The following PRDM2 variants were observed in gnomAD, a reference collection of about 807,000 sequenced individuals.
PRDM2 encodes the protein PR domain zinc finger protein 2.
Under a neutral mutation model 130.0 loss-of-function variants are expected in PRDM2, and 30 were observed. The observed-to-expected ratio is 0.23, with a 90% CI of 0.17 to 0.31. PRDM2 has a LOEUF of 0.31. Ranked by LOEUF, PRDM2 falls within the 10% of genes least tolerant of loss-of-function variation. The pLI is 1.00. For synonymous variants in PRDM2, 871 were observed against 782.4 expected, an observed-to-expected ratio of 1.11 and a Z score of -1.89; for missense variants, 2,011 against 2,108.4, an observed-to-expected ratio of 0.95 and a Z score of 0.90.
At chr1:13,805,002 C>T (rs1645066058) in intron 8 of PRDM2, among the ~76,000 whole-genome samples, 1 of 152,126 alleles carries the variant, frequency 6.6e-6, no homozygotes, top group South Asian at 2.1e-4. Context: ...GTCCTGGATT[C>T]AAATCTTGGC....
At chr1:13,737,578 T>C (rs550831507) in intron 4 of PRDM2, among the ~76,000 whole-genome samples, 1 of 152,352 alleles carries the variant, frequency 6.6e-6, no homozygotes, top group South Asian at 2.1e-4. Flanking sequence ...GAGTGGTTAA[T>C]AGCAGTGCAT....
intron 4 of PRDM2, among the ~76,000 whole-genome samples, chr1:13,740,026 C>A (rs975990381): frequency 6.6e-6 from 1 of 152,140 alleles, no homozygotes; most frequent in Non-Finnish European, 1.5e-5. Context: ...ATTGAAGTGT[C>A]ATCTTTTTCT....
chr1:13,786,589 A>T, intron 8 of PRDM2: 1 of 1,601,112 alleles, frequency 6.2e-7, no homozygotes, highest in South Asian at 1.1e-5. Flanking sequence ...TCAACTTAGG[A>T]TAAGCACTAC....
At chr1:13,738,066 GA>G (rs1167840396) in intron 4 of PRDM2, among the ~76,000 whole-genome samples, 3 of 150,238 alleles carry the variant, frequency 2.0e-5, no homozygotes, top group Non-Finnish European at 3.0e-5. Context: ...TAGGAATAAA[GA>G]AAAAAAAAGA....
In PRDM2 at chr1:13,823,221, C is replaced by T. The variant is rs1279298708; in HGVS notation, c.*86C>T. The stretch of plus-strand genomic sequence containing the variant: ...CTGGCAGTCTGCCCTGCAGGGAGTA[C>T]CGACCTATCCCAGTTGTGTGAGGCT... On this transcript the variant is annotated 3_prime_UTR_variant, in exon 10 of 10. Coordinates refer to ENST00000311066, the MANE Select transcript of PRDM2 (RefSeq NM_001393986.1). The T allele has an allele frequency of 1.9e-6, 3 of 1,606,432 alleles. No homozygotes were observed. Among genetic ancestry groups the T allele is most frequent in the Non-Finnish European group, 1.7e-6 (2 of 1,173,536 alleles).
chr1:13,743,118 G>A (rs1022030877), intron 5 of PRDM2, among the ~76,000 whole-genome samples: 1 of 152,074 alleles, frequency 6.6e-6, no homozygotes, highest in South Asian at 2.1e-4. Flanking sequence ...AGACAGATCC[G>A]GACGGGCGCA....
intron 5 of PRDM2, among the ~76,000 whole-genome samples, chr1:13,743,126 G>A (rs1643496582): frequency 6.6e-6 from 1 of 152,012 alleles, no homozygotes; most frequent in South Asian, 2.1e-4. Context: ...CCGGACGGGC[G>A]CAGTGGCTCA....
chr1:13,721,307 C>T (rs1185125670), intron 2 of PRDM2, among the ~76,000 whole-genome samples: 1 of 152,066 alleles, frequency 6.6e-6, no homozygotes, highest in Non-Finnish European at 1.5e-5. Flanking sequence ...TTCTATCTTT[C>T]ATCTTAGTTA....
intron 8 of PRDM2, among the ~76,000 whole-genome samples, chr1:13,788,654 G>T (rs1644789980): frequency 6.6e-6 from 1 of 152,190 alleles, no homozygotes; most frequent in Non-Finnish European, 1.5e-5. Flanking sequence ...AAACACGGAG[G>T]AGAGAGGTTG....
intron 8 of PRDM2, among the ~76,000 whole-genome samples, chr1:13,792,117 C>T (rs1644850086): frequency 6.6e-6 from 1 of 152,118 alleles, no homozygotes; most frequent in African/African-American, 2.4e-5. Flanking sequence ...ATTTTAAAGC[C>T]CAGGTTTGTG....
chr1:13,784,208 A>G (rs1260320969), intron 8 of PRDM2, among the ~76,000 whole-genome samples: 2 of 152,202 alleles, frequency 1.3e-5, no homozygotes, highest in Non-Finnish European at 2.9e-5. Flanking sequence ...TCTGCTGAAA[A>G]TAAGCACCTG....
intron 8 of PRDM2, among the ~76,000 whole-genome samples, chr1:13,809,186 G>C (rs182584403): frequency 6.6e-6 from 1 of 152,224 alleles, no homozygotes; most frequent in Middle Eastern, 3.2e-3. Flanking sequence ...CTTGGACTGC[G>C]TCCTGGGAGC....
intron 9 of PRDM2, 28 bp from the exon 10 acceptor site, chr1:13,823,131 A>T (rs1645380345): frequency 6.3e-7 from 1 of 1,598,558 alleles, no homozygotes; most frequent in Middle Eastern, 1.7e-4. Flanking sequence ...GCTTACTGTT[A>T]TTATTTTTAT....
intron 9 of PRDM2, among the ~76,000 whole-genome samples, chr1:13,819,396 G>A (rs761257572): frequency 6.6e-5 from 10 of 152,164 alleles, no homozygotes; most frequent in Non-Finnish European, 1.0e-4. Flanking sequence ...GAGGCCTAAC[G>A]TCATTTGCCT....
intron 1 of PRDM2, among the ~76,000 whole-genome samples, chr1:13,704,021 G>C (rs1642138118): frequency 1.3e-5 from 2 of 152,156 alleles, no homozygotes; most frequent in African/African-American, 2.4e-5. Flanking sequence ...TTTCCTCTAG[G>C]GGGAAAAGTA....
chr1:13,789,471 T>G (rs890429038), intron 8 of PRDM2, among the ~76,000 whole-genome samples: 1 of 152,180 alleles, frequency 6.6e-6, no homozygotes, highest in Non-Finnish European at 1.5e-5. Context: ...CATAGTGGCT[T>G]TTTTCCCCAC....
intron 6 of PRDM2, among the ~76,000 whole-genome samples, chr1:13,760,190 G>A (rs1046065440): frequency 1.3e-5 from 2 of 152,200 alleles, no homozygotes; most frequent in African/African-American, 4.8e-5. Flanking sequence ...CTCAATTTCT[G>A]TCTGACCCTT....
At position 13,759,304 on chromosome 1, in the gene PRDM2, A is replaced by G. The variant is rs146518577; in HGVS notation, c.511+9817A>G. The stretch of plus-strand genomic sequence containing the variant: ...AAAATGAAGGCAAACTGGTTTGTTC[A>G]CCCATGTTTAGAACCCCAAGACGGA... On this transcript the variant is annotated intron_variant, in intron 6 of 9. Coordinates refer to ENST00000311066, the MANE Select transcript of PRDM2 (RefSeq NM_001393986.1). 4.1e-3 allele frequency among the ~76,000 whole-genome samples: 625 copies of G among 152,222 alleles called. 5 individuals are homozygous for G. Among genetic ancestry groups the G allele is most frequent in the African/African-American group, 0.014 (582 of 41,510 alleles).
intron 1 of PRDM2, among the ~76,000 whole-genome samples, chr1:13,712,812 T>A (rs1186381464): frequency 6.6e-6 from 1 of 152,184 alleles, no homozygotes; most frequent in Non-Finnish European, 1.5e-5. Flanking sequence ...CGTCCGTCTG[T>A]CCGTCCAGGA....
Sources: allele counts gnomAD v4.1 joint callset (sites outside exome capture counted in the v4.1 genomes callset), GRCh38; gene constraint gnomAD v4.1.1; transcripts MANE v1.5; gene names NCBI Gene and HGNC (gene_info 2026-07-23, HGNC 2026-07-21).